MOB4: variants seen among roughly 807,000 people sequenced by gnomAD.
MOB4 encodes the protein MOB family member 4, phocein.
MOB4 carries 4 observed loss-of-function variants against 32.2 expected under a neutral mutation model. The observed-to-expected ratio is 0.12, with a 90% CI of 0.06 to 0.28. The LOEUF is 0.28. Among genes scored for constraint, MOB4 ranks in the 10% least tolerant of loss-of-function variants. The pLI is 1.00. For missense variants in MOB4, 158 were observed against 271.2 expected (o/e 0.58, Z 2.93); for synonymous variants, 88 against 88.1 (o/e 1.00, Z 0.01).
At chr2:197,550,164 G>T in intron 6 of MOB4, 111 bp from the exon 7 acceptor site, 1 of 965,508 alleles carries the variant, frequency 1.0e-6, no homozygotes, top group Non-Finnish European at 1.5e-6. Context: ...TGGAGTAGTC[G>T]CTTATTTTCC....
chr2:197,541,774 C>T (rs1339697252), intron 5 of MOB4, among the ~76,000 whole-genome samples: 2 of 151,904 alleles, frequency 1.3e-5, no homozygotes, highest in Non-Finnish European at 2.9e-5. Flanking sequence ...AAAAAATTAG[C>T]CGGGCGTAGT....
Position 197,535,518 on chromosome 2 carries a change from C to T in MOB4, c.124-12C>T. The T allele has an allele frequency of 6.3e-7, 1 of 1,580,604 alleles. No individual in the cohort carries two copies. On this transcript the variant is annotated splice_polypyrimidine_tract_variant and intron_variant, in intron 2 of 7. Coordinates refer to ENST00000323303, the MANE Select transcript of MOB4 (RefSeq NM_015387.5). ...ATAATTTAATTAACCATAAGAACTT[C>T]TTTGTTTTTAGTATATTCAACAGAA... is the stretch of plus-strand genomic sequence containing the variant.
At chr2:197,525,182 T>C (rs1262917816) in intron 2 of MOB4, among the ~76,000 whole-genome samples, 3 of 151,592 alleles carry the variant, frequency 2.0e-5, no homozygotes, top group Non-Finnish European at 4.4e-5. Flanking sequence ...CATCTCTTAC[T>C]AAAAATATAA....
intron 5 of MOB4, among the ~76,000 whole-genome samples, chr2:197,547,006 G>C (rs1159370871): frequency 6.6e-6 from 1 of 152,202 alleles, no homozygotes; most frequent in Non-Finnish European, 1.5e-5. Flanking sequence ...AGCACTTTGG[G>C]AGGCTGAGAT....
Position 197,540,334 on chromosome 2 carries a change from A to C in MOB4, c.268-17A>C, listed in dbSNP as rs2086876541. On this transcript the variant is annotated splice_polypyrimidine_tract_variant and intron_variant, in intron 4 of 7. Coordinates refer to ENST00000323303, the MANE Select transcript of MOB4 (RefSeq NM_015387.5). The stretch of plus-strand genomic sequence containing the variant: ...ATTATTATTTTACATATTAAGAAAT[A>C]TAATTATTTTTAACAGAGTGAATGC... 6.5e-7 allele frequency: 1 copy of C among 1,529,152 alleles called. No individual in the cohort carries two copies. Among genetic ancestry groups the C allele is most frequent in the Non-Finnish European group, 8.7e-7 (1 of 1,145,986 alleles). The allele number at this position is 1,529,152 out of a possible 1,614,324, so 94.7% of individuals were successfully genotyped here. A position where few individuals can be genotyped will look rare whatever the true frequency, so the allele number is the denominator to read the frequency against.
chr2:197,551,988 A>G lies in MOB4; in HGVS notation c.*1342A>G, dbSNP rs1044615244. ...TTTAACAAACATGAGGAACTTTTTT[A>G]TTTAGAAGGATAATTTTGAAGATGA... On this transcript the variant is annotated 3_prime_UTR_variant, in exon 8 of 8. Transcript: ENST00000323303. 1.7e-5 allele frequency: 2 copies of G among 117,394 alleles called. No individual in the cohort carries two copies. The highest frequency in any genetic ancestry group is 7.4e-5 in the African/African-American group (2 of 27,156). The allele number at this position is 117,394 out of a possible 1,614,324, so 7.3% of individuals were successfully genotyped here. A position where few individuals can be genotyped will look rare whatever the true frequency, so the allele number is the denominator to read the frequency against.
At position 197,553,447 on chromosome 2, in the gene MOB4, T is replaced by C. The variant is rs891470310; in HGVS notation, c.*2801T>C. 6.6e-6 allele frequency: 1 copy of C among 152,080 alleles called. No homozygotes were observed. Among genetic ancestry groups the C allele is most frequent in the East Asian group, 1.9e-4 (1 of 5,182 alleles). 9.4% of individuals were successfully genotyped at this position (152,080 alleles called of 1,614,324 possible). Reference sequence around the variant, plus strand: ...GTCTCAAAAAAAAAAAATCCTTGATTACATTGTTAGTAAGGACTGTGTTAC... The same window carrying C: ...GTCTCAAAAAAAAAAAATCCTTGATCACATTGTTAGTAAGGACTGTGTTAC... On this transcript the variant is annotated 3_prime_UTR_variant, in exon 8 of 8. Transcript: ENST00000323303.
intron 1 of MOB4, among the ~76,000 whole-genome samples, chr2:197,519,666 A>AT (rs946414106): frequency 1.3e-5 from 2 of 151,930 alleles, no homozygotes; most frequent in Admixed American, 6.6e-5. Flanking sequence ...CATTTTCTGT[A>AT]TTTTTTTTCT....
In MOB4 at chr2:197,537,105, C is replaced by T. The variant is rs900081171; in HGVS notation, c.224+1475C>T. Among the ~76,000 whole-genome samples the T allele has an allele frequency of 3.3e-5, 5 of 152,088 alleles. No individual in the cohort carries two copies. In the South Asian group the frequency reaches 8.3e-4, roughly 25 times the overall value. ...TCTAGGCTTGGTATCTGATAAGTTA[C>T]CTGTAAATTATTGCAAACTTCCAGT... On this transcript the variant is annotated intron_variant, in intron 3 of 7. Transcript: ENST00000323303.
intron 2 of MOB4, among the ~76,000 whole-genome samples, chr2:197,526,608 G>A (rs1466543421): frequency 6.6e-6 from 1 of 152,146 alleles, no homozygotes; most frequent in Non-Finnish European, 1.5e-5. Context: ...GAGCCGTCAC[G>A]CCCAGCATTA....
At position 197,530,824 on chromosome 2, in the gene MOB4, GA is replaced by G. The variant is rs543526352; in HGVS notation, c.124-4705del. 6.9e-3 allele frequency among the ~76,000 whole-genome samples: 1,050 copies of G among 152,084 alleles called. 5 individuals are homozygous for G. Among genetic ancestry groups the G allele is most frequent in the South Asian group, 0.017 (84 of 4,816 alleles). On this transcript the variant is annotated intron_variant, in intron 2 of 7. Coordinates refer to ENST00000323303, the MANE Select transcript of MOB4 (RefSeq NM_015387.5). Reference sequence around the variant, plus strand: ...GTGTTGCCCAAGGTCTCTAACTCCTGAGCTTGAGTGATCCTCCTGCCTTGGT... The same window carrying G: ...GTGTTGCCCAAGGTCTCTAACTCCTGGCTTGAGTGATCCTCCTGCCTTGGT...
At chr2:197,542,064 A>G (rs1574649444) in intron 5 of MOB4, among the ~76,000 whole-genome samples, 1 of 152,284 alleles carries the variant, frequency 6.6e-6, no homozygotes, top group African/African-American at 2.4e-5. Flanking sequence ...AACTGAATCA[A>G]GAAGGCTGAA....
rs75102502 is a variant in MOB4 at position 197,516,477 on chromosome 2, T to C, written c.60+331T>C. The C allele has an allele frequency of 4.2e-3, 4,334 of 1,025,780 alleles. 145 individuals are homozygous for C. The African/African-American group carries it at 0.066, about 16-fold the overall frequency. 63.5% of individuals were successfully genotyped at this position (1,025,780 alleles called of 1,614,324 possible). A position where few individuals can be genotyped will look rare whatever the true frequency, so the allele number is the denominator to read the frequency against. ...CCCCTGAGCCCCAGCTGACTAGCAT[T>C]GGAGGGGCGCGACCAGCCTGGTGGA... is the stretch of plus-strand genomic sequence containing the variant. On this transcript the variant is annotated intron_variant, in intron 1 of 7. Transcript: ENST00000323303.
rs544203667 is a variant in MOB4, at chr2:197,536,896, T to G, written c.224+1266T>G. Among the ~76,000 whole-genome samples the G allele has an allele frequency of 5.3e-5, 8 of 151,914 alleles. No individual in the cohort carries two copies. The South Asian group carries it at 1.7e-3, about 32-fold the overall frequency. ...CAGGTGTGAGCCACCGTGCCTGACT[T>G]GTCTTTTTTTTTTCCTTTGTTTCTG... On this transcript the variant is annotated intron_variant, in intron 3 of 7. Coordinates refer to ENST00000323303, the MANE Select transcript of MOB4 (RefSeq NM_015387.5).
intron 4 of MOB4, 58 bp downstream of exon 4, chr2:197,540,211 T>C (rs986435408): frequency 6.3e-7 from 1 of 1,580,170 alleles, no homozygotes; most frequent in Non-Finnish European, 8.6e-7. Context: ...TTTTCTCTGT[T>C]TTTATAACTT....
chr2:197,543,034 G>C lies in MOB4; in HGVS notation c.354+2597G>C, dbSNP rs7563486. Among the ~76,000 whole-genome samples the C allele has an allele frequency of 5.0e-3, 758 of 152,262 alleles. 4 individuals are homozygous for C. The highest frequency in any genetic ancestry group is 7.7e-3 in the Non-Finnish European group (524 of 68,014). On this transcript the variant is annotated intron_variant, in intron 5 of 7. Transcript: ENST00000323303. ...CTGGATTTCGAAGACAGTAACGCCTGTAATCCCAGCACTTTGGGAGGCCGA... is the reference window on the plus strand; with the variant it reads ...CTGGATTTCGAAGACAGTAACGCCTCTAATCCCAGCACTTTGGGAGGCCGA...
chr2:197,534,832 G>C (rs1042475710), intron 2 of MOB4, among the ~76,000 whole-genome samples: 2 of 151,910 alleles, frequency 1.3e-5, no homozygotes, highest in African/African-American at 4.8e-5. Context: ...CATGAGCCCC[G>C]ACGCCCGGCC....
chr2:197,540,710 A>G (rs2086881811), intron 5 of MOB4, among the ~76,000 whole-genome samples: 2 of 152,192 alleles, frequency 1.3e-5, no homozygotes, highest in African/African-American at 4.8e-5. Flanking sequence ...GCTGATATCT[A>G]CTGTGTAATG....
At chr2:197,539,281 G>C (rs2086855312) in intron 3 of MOB4, among the ~76,000 whole-genome samples, 1 of 149,856 alleles carries the variant, frequency 6.7e-6, no homozygotes, top group African/African-American at 2.5e-5. Flanking sequence ...TCAAATAGCT[G>C]TCTAAAACTG....
Sources: gnomAD v4.1 joint callset for allele counts (sites outside exome capture counted in the v4.1 genomes callset) on GRCh38, gnomAD v4.1.1 for gene constraint, MANE v1.5 for transcripts, NCBI Gene and HGNC (gene_info 2026-07-23, HGNC 2026-07-21) for gene names.